Variants in APOC3 observed in about 807,000 individuals in gnomAD.
APOC3 encodes apolipoprotein C3.
In APOC3, 6 loss-of-function variants were observed where a neutral mutation model predicts 7.3. The ratio of observed to expected loss-of-function variants is 0.82; its 90% CI spans 0.45 to 1.61. The LOEUF (loss-of-function observed/expected upper bound fraction) is 1.61. Among genes scored for constraint, APOC3 ranks in the 40% most tolerant of loss-of-function variants. The probability of loss-of-function intolerance (pLI) is 0.01; values close to 1 mark genes in which losing one functional copy is unlikely to be tolerated. For missense variants in APOC3, 123 were observed against 124.9 expected, an observed-to-expected ratio of 0.98 and a Z score of 0.07; for synonymous variants, 45 against 51.2, an observed-to-expected ratio of 0.88 and a Z score of 0.52.
In APOC3 at chr11:116,830,786, C is replaced by G; in HGVS notation, c.69C>G (p.Ala23=). ...CTCTTTCCTCAGGAGCTTCAGAGGC[C>G]GAGGATGCCTCCCTTCTCAGCTTCA... ...ALLASARASE[A]EDASLLSFMQ... The change falls in exon 3 of 4, where the codon GCC becomes GCG. Residue 23 remains alanine, a synonymous_variant. Coordinates refer to ENST00000227667, the MANE Select transcript of APOC3 (RefSeq NM_000040.3). 1 of 1,613,346 alleles carries G rather than the reference C, an allele frequency of 6.2e-7. No individual in the cohort carries two copies. Among genetic ancestry groups the G allele is most frequent in the South Asian group, 1.1e-5 (1 of 91,056 alleles).
chr11:116,831,246 TTTC>T (rs1425342377), intron 3 of APOC3: 13 of 167,332 alleles, frequency 7.8e-5, no homozygotes, highest in East Asian at 5.4e-4. Context: ...TCTTTCTTTC[TTTC>T]TTTCTTTCCT....
chr11:116,831,056 C>T (rs1941441348), intron 3 of APOC3, 160 bp downstream of exon 3: 1 of 866,780 alleles, frequency 1.2e-6, no homozygotes, highest in Non-Finnish European at 1.8e-6. Context: ...CTTTGTCAGG[C>T]TGCTGCGGGA....
rs1484473447 is a variant in APOC3, at chr11:116,830,647, T to C, written c.55+10T>C. 6.2e-7 allele frequency: 1 copy of C among 1,613,568 alleles called. No individual in the cohort carries two copies. The highest frequency in any genetic ancestry group is 1.3e-5 in the African/African-American group (1 of 74,856). The stretch of plus-strand genomic sequence containing the variant: ...CTCCTGGCCTCTGCCCGTAAGCACT[T>C]GGTGGGACTGGGCTGGGGGCAGGGT... On this transcript the variant is annotated intron_variant, in intron 2 of 3. Transcript: ENST00000227667.
intron 3 of APOC3, among the ~76,000 whole-genome samples, chr11:116,831,500 G>T (rs1366112761): frequency 6.6e-6 from 1 of 151,548 alleles, no homozygotes; most frequent in Non-Finnish European, 1.5e-5. Context: ...AAGTAGCTGG[G>T]ATTACAGGCA....
rs1342566138 is a variant in APOC3 at position 116,832,014 on chromosome 11, T to C, written c.180-750T>C. Among the ~76,000 whole-genome samples, 9 of 152,272 alleles carry C rather than the reference T, an allele frequency of 5.9e-5. No homozygotes were observed. The East Asian group carries it at 1.5e-3, about 26-fold the overall frequency. ...CCAGTACCTATCTATGACTTGGGGGTTGGGGACCCCTGGGCTAGGGGTTTG... is the reference window on the plus strand; with the variant it reads ...CCAGTACCTATCTATGACTTGGGGGCTGGGGACCCCTGGGCTAGGGGTTTG... On this transcript the variant is annotated intron_variant, in intron 3 of 3. Transcript: ENST00000227667.
Position 116,831,405 on chromosome 11 carries a change from C to T in APOC3, c.179+509C>T, listed in dbSNP as rs184842636. On this transcript the variant is annotated intron_variant, in intron 3 of 3. Transcript: ENST00000227667. Reference sequence around the variant, plus strand: ...TTTTTAATGGAGTCTCCCTCTGTCACCTAGGCTGGAGTGCAGTGGTGCCAT... The same window carrying T: ...TTTTTAATGGAGTCTCCCTCTGTCATCTAGGCTGGAGTGCAGTGGTGCCAT... Among the ~76,000 whole-genome samples the T allele has an allele frequency of 3.3e-3, 490 of 149,890 alleles. 4 individuals are homozygous for T. The highest frequency in any genetic ancestry group is 0.011 in the African/African-American group (453 of 40,468).
intron 3 of APOC3, 134 bp from the exon 4 acceptor site, chr11:116,832,630 C>A: frequency 7.7e-7 from 1 of 1,305,388 alleles, no homozygotes; most frequent in Non-Finnish European, 1.1e-6. Flanking sequence ...GGTCTCAGGG[C>A]TGTCGTCCAG....
chr11:116,831,288 C>CT (rs752110149), intron 3 of APOC3, among the ~76,000 whole-genome samples: 1 of 69,472 alleles, frequency 1.4e-5, no homozygotes, highest in Non-Finnish European at 3.0e-5. Context: ...TCTTTCCTTT[C>CT]TTTCTTTCTT....
chr11:116,832,617 T>C, intron 3 of APOC3, 147 bp from the exon 4 acceptor site: 1 of 1,181,808 alleles, frequency 8.5e-7, no homozygotes, highest in Non-Finnish European at 1.3e-6. Flanking sequence ...GATTCCTGCC[T>C]GAGGTCTCAG....
chr11:116,830,703 G>C (rs1277656565), intron 2 of APOC3, 66 bp downstream of exon 2: 6 of 1,613,024 alleles, frequency 3.7e-6, no homozygotes, highest in South Asian at 2.2e-5. Context: ...AGTCCCAATG[G>C]GTGGTCAAGC....
intron 3 of APOC3, among the ~76,000 whole-genome samples, chr11:116,832,312 C>T (rs1008617127): frequency 1.2e-4 from 19 of 152,288 alleles, no homozygotes; most frequent in Admixed American, 6.5e-5. Flanking sequence ...AGGCTCAGAG[C>T]GATTAGGTGA....
intron 3 of APOC3, 41 bp downstream of exon 3, chr11:116,830,937 G>T: frequency 1.9e-6 from 3 of 1,603,218 alleles, no homozygotes; most frequent in Non-Finnish European, 2.5e-6. Flanking sequence ...CCTGCCAGCT[G>T]CCTCCATTCC....
intron 1 of APOC3, 81 bp from the exon 2 acceptor site, chr11:116,830,489 T>G: frequency 6.7e-7 from 1 of 1,487,084 alleles, no homozygotes; most frequent in Non-Finnish European, 9.3e-7. Context: ...AGGTTCTACC[T>G]TAGGGGCCAC....
chr11:116,831,209 CTTTCTTTCTTTCTT>C lies in APOC3; in HGVS notation c.179+315_179+328del, dbSNP rs1565336413. 118 of 132,936 alleles carry C rather than the reference CTTTCTTTCTTTCTT, an allele frequency of 8.9e-4. 1 individual carries two copies. Among genetic ancestry groups the C allele is most frequent in the African/African-American group, 4.2e-3 (112 of 26,484 alleles). 8.2% of individuals were successfully genotyped at this position (132,936 alleles called of 1,614,324 possible). On this transcript the variant is annotated intron_variant, in intron 3 of 3. Coordinates refer to ENST00000227667, the MANE Select transcript of APOC3 (RefSeq NM_000040.3). ...TTTCTATTTCTTTCTTTCTTTCTTT[CTTTCTTTCTTTCTT>C]TCTTTCTTTCTTTCTTTCTTTCTTT...
At chr11:116,831,718 C>T (rs570082807) in intron 3 of APOC3, among the ~76,000 whole-genome samples, 7 of 152,296 alleles carry the variant, frequency 4.6e-5, no homozygotes, top group Non-Finnish European at 1.0e-4. Context: ...GCCTTTTTGG[C>T]ACCAGGGACC....
At chr11:116,830,385 T>G in intron 1 of APOC3, 185 bp from the exon 2 acceptor site, 1 of 652,806 alleles carries the variant, frequency 1.5e-6, no homozygotes, top group Non-Finnish European at 2.7e-6. Flanking sequence ...CCCACCTCCC[T>G]TTGGGCCTCG....
intron 3 of APOC3, among the ~76,000 whole-genome samples, chr11:116,831,885 A>C (rs1215172415): frequency 6.6e-6 from 1 of 152,188 alleles, no homozygotes; most frequent in Non-Finnish European, 1.5e-5. Flanking sequence ...TCCTATGAGA[A>C]TGTAAGGCCA....
At chr11:116,832,660 T>C (rs1003851423) in intron 3 of APOC3, 104 bp from the exon 4 acceptor site, 1 of 1,530,126 alleles carries the variant, frequency 6.5e-7, no homozygotes, top group African/African-American at 1.4e-5. Context: ...GAGGGTGGTG[T>C]GGTCCTGACT....
chr11:116,831,224 T>C (rs1316869644), intron 3 of APOC3: 2 of 190,402 alleles, frequency 1.1e-5, no homozygotes, highest in South Asian at 2.0e-4. Flanking sequence ...TTTCTTTCTT[T>C]CTTTCTTTCT....
Sources: allele counts gnomAD v4.1 joint callset (sites outside exome capture counted in the v4.1 genomes callset), GRCh38; gene constraint gnomAD v4.1.1; transcripts MANE v1.5; gene names NCBI Gene and HGNC (gene_info 2026-07-23, HGNC 2026-07-21).